RBM12: variants seen among roughly 807,000 people sequenced by gnomAD.
RBM12 encodes the protein RNA binding motif protein 12.
A neutral mutation model predicts 37.2 loss-of-function variants in RBM12; 24 were observed. The observed-to-expected ratio is 0.65, with a 90% confidence interval of 0.47 to 0.91. The LOEUF (loss-of-function observed/expected upper bound fraction) is 0.91. Ranked by LOEUF, RBM12 falls within the 40% of genes least tolerant of loss-of-function variation. The pLI, the probability that RBM12 is intolerant of heterozygous loss-of-function variation, is 0.00. For synonymous variants in RBM12, 420 were observed against 425.2 expected (o/e 0.99, Z 0.15); for missense variants, 1,061 against 1,183.2 (o/e 0.90, Z 1.52).
In RBM12 at chr20:35,654,885, G is replaced by T; in HGVS notation, c.438C>A (p.Asn146Lys). The T allele has an allele frequency of 6.2e-7, 1 of 1,614,114 alleles. No individual in the cohort carries two copies. The highest frequency in any genetic ancestry group is 8.5e-7 in the Non-Finnish European group (1 of 1,179,936). Residue 146 changes from asparagine (N) to lysine (K), a missense_variant, in exon 3 of 3, where the codon AAC (asparagine) becomes AAA (lysine). By Grantham distance (94) the Asn-to-Lys change is moderately conservative. Transcript: ENST00000374114. ...CGCTGGCTGTGGAAAATGTCTGTAT[G>T]TTTTTGTTGCTTTCATGAACAGAAG... ...ATTSVHESNK[N>K]IQTFSTASVG...
intron 1 of RBM12, among the ~76,000 whole-genome samples, chr20:35,660,274 C>A (rs1179431842): frequency 6.6e-6 from 1 of 152,026 alleles, no homozygotes; most frequent in African/African-American, 2.4e-5. Context: ...GCGATCTAGG[C>A]TCATTAGGCT....
chr20:35,657,465 T>TGA (rs553443083), intron 2 of RBM12, among the ~76,000 whole-genome samples: 43 of 151,174 alleles, frequency 2.8e-4, no homozygotes, highest in East Asian at 5.8e-4. Flanking sequence ...CAAAACAACT[T>TGA]GAGAGAGAGA....
chr20:35,659,244 G>A (rs909146040), intron 1 of RBM12, among the ~76,000 whole-genome samples: 1 of 151,540 alleles, frequency 6.6e-6, no homozygotes, highest in Non-Finnish European at 1.5e-5. Flanking sequence ...ATATTTACAA[G>A]AGTGTCATTA....
At position 35,652,718 on chromosome 20, in the gene RBM12, T is replaced by C. The variant is rs769786063; in HGVS notation, c.2605A>G (p.Ile869Val). ...TAAAAGAAATCTAAAATCTCATCAATAGACACAGTAAAGGGCATGTTTTGC... is the reference window on the plus strand; with the variant it reads ...TAAAAGAAATCTAAAATCTCATCAACAGACACAGTAAAGGGCATGTTTTGC... ...KVQNMPFTVS[I>V]DEILDFFYGY... Residue 869 changes from isoleucine (I) to valine (V), a missense_variant, in exon 3 of 3, where the codon ATT becomes GTT. Transcript: ENST00000374114. The C allele has an allele frequency of 5.0e-6, 8 of 1,614,082 alleles. No homozygotes were observed. Among genetic ancestry groups the C allele is most frequent in the South Asian group, 3.3e-5 (3 of 91,072 alleles).
At chr20:35,658,839 A>T (rs1230674581) in intron 2 of RBM12, 91 bp downstream of exon 2, 10 of 646,170 alleles carry the variant, frequency 1.5e-5, no homozygotes, top group Admixed American at 2.3e-5. Context: ...ACACACACAC[A>T]ATATAGTTGC....
intron 1 of RBM12, 45 bp from the exon 2 acceptor site, chr20:35,659,059 C>T: frequency 4.3e-6 from 3 of 696,856 alleles, no homozygotes; most frequent in Non-Finnish European, 5.3e-6. Context: ...GCAGGAAACA[C>T]AAAACAACAC....
At chr20:35,659,126 T>C in intron 1 of RBM12, 112 bp from the exon 2 acceptor site, 1 of 402,792 alleles carries the variant, frequency 2.5e-6, no homozygotes, top group East Asian at 3.7e-5. Context: ...AGTACTTCAT[T>C]AGAATGCATA....
rs747155371 is a variant in RBM12, at chr20:35,652,917, G to C, written c.2406C>G (p.Pro802=). ...FGNGPGSLGG[P]PGFGSGPPGL... ...CAGGAGGGCCACTTCCAAACCCCGG[G>C]GGACCGCCTAAGCTACCAGGGCCAT... Residue 802 remains proline (P), a synonymous_variant, in exon 3 of 3, where the codon CCC becomes CCG. Transcript: ENST00000374114. The C allele has an allele frequency of 6.2e-7, 1 of 1,613,752 alleles. No individual in the cohort carries two copies. The highest frequency in any genetic ancestry group is 8.5e-7 in the Non-Finnish European group (1 of 1,180,032).
Position 35,654,231 on chromosome 20 carries a change from T to C in RBM12, c.1092A>G (p.Arg364=), listed in dbSNP as rs748616264. Residue 364 remains arginine (R), a synonymous_variant, in exon 3 of 3, where the codon AGA becomes AGG. Coordinates refer to ENST00000374114, the MANE Select transcript of RBM12 (RefSeq NM_006047.6). ...QDTFEALKRN[R]MLMIQRYVEV... ...CCACATAGCGTTGAATCATCAGCAT[T>C]CTGTTTCGTTTCAAAGCTTCAAATG... 2 of 1,614,132 alleles carry C rather than the reference T, an allele frequency of 1.2e-6. No homozygotes were observed. Among genetic ancestry groups the C allele is most frequent in the Non-Finnish European group, 1.7e-6 (2 of 1,180,052 alleles).
rs369643645 is a variant in RBM12 at position 35,652,793 on chromosome 20, G to A, written c.2530C>T (p.Pro844Ser). ...GPGPIHIGGP[P>S]GFASSSGKPG... is the part of the protein sequence containing the mutation. Reference sequence around the variant, plus strand: ...TTTCCAGAACTAGATGCAAAGCCAGGGGGACCACCAATATGGATTGGGCCA... The same window carrying A: ...TTTCCAGAACTAGATGCAAAGCCAGAGGGACCACCAATATGGATTGGGCCA... The change falls in exon 3 of 3, where the codon CCT becomes TCT. Residue 844 changes from proline (P) to serine (S), a missense_variant. Coordinates refer to ENST00000374114, the MANE Select transcript of RBM12 (RefSeq NM_006047.6). 2.6e-5 allele frequency: 42 copies of A among 1,609,396 alleles called. No homozygotes were observed. Among genetic ancestry groups the A allele is most frequent in the Non-Finnish European group, 3.3e-5 (39 of 1,177,510 alleles).
At chr20:35,662,069 G>A (rs185583044) in intron 1 of RBM12, among the ~76,000 whole-genome samples, 155 of 152,196 alleles carry the variant, frequency 1.0e-3, no homozygotes, top group African/African-American at 3.4e-3. Context: ...ATCAAAGTCT[G>A]GGATCACTCT....
intron 2 of RBM12, 79 bp from the exon 3 acceptor site, chr20:35,655,423 A>G (rs2033837723): frequency 1.6e-6 from 2 of 1,229,762 alleles, no homozygotes; most frequent in Non-Finnish European, 2.2e-6. Flanking sequence ...ATGACCAGCT[A>G]CCATATTAGG....
At position 35,650,236 on chromosome 20, in the gene RBM12, GCT is replaced by G. The variant is rs560607112; in HGVS notation, c.*2286_*2287del. The G allele has an allele frequency of 1.9e-4, 29 of 152,236 alleles. No individual in the cohort carries two copies. The highest frequency in any genetic ancestry group is 1.0e-3 in the South Asian group (5 of 4,820). The allele number at this position is 152,236 out of a possible 1,614,324, so 9.4% of individuals were successfully genotyped here. A position where few individuals can be genotyped will look rare whatever the true frequency, so the allele number is the denominator to read the frequency against. Reference sequence around the variant, plus strand: ...GTTCTCTCCAATTTCTACACAAACCGCTCTTTTAATTTATTTAATTAGATGAA... The same window carrying G: ...GTTCTCTCCAATTTCTACACAAACCGCTTTTAATTTATTTAATTAGATGAA... On this transcript the variant is annotated 3_prime_UTR_variant, in exon 3 of 3. Transcript: ENST00000374114.
chr20:35,651,941 GACAA>G lies in RBM12; in HGVS notation c.*579_*582del, dbSNP rs979633883. On this transcript the variant is annotated 3_prime_UTR_variant, in exon 3 of 3. Coordinates refer to ENST00000374114, the MANE Select transcript of RBM12 (RefSeq NM_006047.6). The stretch of plus-strand genomic sequence containing the variant: ...TGCTCATTTACAAATGAGTCAATTA[GACAA>G]ACAAAGCAGCAACTTCTGAAGCAGG... 4.6e-5 allele frequency: 7 copies of G among 152,606 alleles called. No individual in the cohort carries two copies. The highest frequency in any genetic ancestry group is 8.8e-5 in the Non-Finnish European group (6 of 68,022). 9.5% of individuals were successfully genotyped at this position (152,606 alleles called of 1,614,324 possible). A position where few individuals can be genotyped will look rare whatever the true frequency, so the allele number is the denominator to read the frequency against.
rs1383692902 is a variant in RBM12 at position 35,648,929 on chromosome 20, G to C, written c.*3595C>G. 1.3e-5 allele frequency: 2 copies of C among 152,646 alleles called. No individual in the cohort carries two copies. Among genetic ancestry groups the C allele is most frequent in the Non-Finnish European group, 2.9e-5 (2 of 68,028 alleles). 9.5% of individuals were successfully genotyped at this position (152,646 alleles called of 1,614,324 possible). A position where few individuals can be genotyped will look rare whatever the true frequency, so the allele number is the denominator to read the frequency against. On this transcript the variant is annotated 3_prime_UTR_variant, in exon 3 of 3. Coordinates refer to ENST00000374114, the MANE Select transcript of RBM12 (RefSeq NM_006047.6). ...TAGCTCAGTAAAGTACTTTTGTGCA[G>C]TTAAAGCATTAAAAGCATCAGCCTG...
At position 35,664,743 on chromosome 20, in the gene RBM12, G is replaced by A. The variant is rs1406223053; in HGVS notation, c.-108+17C>T. 3 of 152,284 alleles carry A rather than the reference G, an allele frequency of 2.0e-5. No homozygotes were observed. Among genetic ancestry groups the A allele is most frequent in the Admixed American group, 2.0e-4 (3 of 15,286 alleles). 9.4% of individuals were successfully genotyped at this position (152,284 alleles called of 1,614,324 possible). ...CCCCGCACAGCCCCACCCGTTCAGG[G>A]GCTGCGGGAGTCTTACCGGGGAAAG... On this transcript the variant is annotated intron_variant, in intron 1 of 2. Coordinates refer to ENST00000374114, the MANE Select transcript of RBM12 (RefSeq NM_006047.6).
Position 35,654,053 on chromosome 20 carries a change from A to T in RBM12, c.1270T>A (p.Ser424Thr). Reference sequence around the variant, plus strand: ...ACACAAAAACCAGCCTCATGTGGTGATCTTGACCTTGATCTTTTCTGCCCA... The same window carrying T: ...ACACAAAAACCAGCCTCATGTGGTGTTCTTGACCTTGATCTTTTCTGCCCA... ...PSGQKRSRSRSPHEAGFCVYL... is the reference protein window; with the variant it reads ...PSGQKRSRSRTPHEAGFCVYL... The change falls in exon 3 of 3, where the codon TCA becomes ACA. Residue 424 changes from serine (S) to threonine (T), a missense_variant. Ser to Thr is a moderately conservative substitution (Grantham distance 58). Around this residue, in one of 3 missense-constraint regions of RBM12, gnomAD observed 540 missense variants for 632.7 expected, o/e 0.85. Transcript: ENST00000374114. 1 of 1,614,158 alleles carries T rather than the reference A, an allele frequency of 6.2e-7. No individual in the cohort carries two copies. The highest frequency in any genetic ancestry group is 8.5e-7 in the Non-Finnish European group (1 of 1,180,028).
At position 35,652,512 on chromosome 20, in the gene RBM12, T is replaced by C. The variant is rs1298282578; in HGVS notation, c.*12A>G. ...ATATGAAGATCTACCCTATAAAAAA[T>C]GATGTGAATGGCTACCCTAATACAA... is the stretch of plus-strand genomic sequence containing the variant. On this transcript the variant is annotated 3_prime_UTR_variant, in exon 3 of 3. Transcript: ENST00000374114. 1.3e-6 allele frequency: 2 copies of C among 1,599,558 alleles called. No individual in the cohort carries two copies. The highest frequency in any genetic ancestry group is 2.7e-5 in the African/African-American group (2 of 73,884).
At chr20:35,663,139 T>A (rs897950866) in intron 1 of RBM12, among the ~76,000 whole-genome samples, 1 of 152,224 alleles carries the variant, frequency 6.6e-6, no homozygotes. Flanking sequence ...TCTTCCCAAC[T>A]TTTTATACTC....
Sources: gnomAD v4.1 joint callset for allele counts (sites outside exome capture counted in the v4.1 genomes callset) on GRCh38, gnomAD v4.1.1 for gene constraint, gnomAD v4.1.1 regional missense constraint, MANE v1.5 for transcripts, NCBI Gene and HGNC (gene_info 2026-07-23, HGNC 2026-07-21) for gene names.